Variants in GRAMD2A observed in about 807,000 individuals in gnomAD.
GRAMD2A encodes GRAM domain containing 2A, also known as GRAM domain-containing protein 2A.
A neutral mutation model predicts 51.1 loss-of-function variants in GRAMD2A; 37 were observed. That is an observed-to-expected ratio of 0.72 (90% confidence interval 0.56 to 0.95). The LOEUF (loss-of-function observed/expected upper bound fraction) is 0.95. Among genes scored for constraint, GRAMD2A ranks in the 40% least tolerant of loss-of-function variants. GRAMD2A has a pLI of 0.00. For missense variants in GRAMD2A, 414 were observed against 426.9 expected (o/e 0.97, Z 0.27); for synonymous variants, 136 against 157.1 (o/e 0.87, Z 1.01).
intron 1 of GRAMD2A, among the ~76,000 whole-genome samples, chr15:72,187,012 T>C (rs1015722846): frequency 6.9e-6 from 1 of 144,804 alleles, no homozygotes; most frequent in Non-Finnish European, 1.5e-5. Flanking sequence ...AAAAAAAAAA[T>C]TAGCTGGGTG....
intron 1 of GRAMD2A, among the ~76,000 whole-genome samples, chr15:72,196,137 G>A (rs144438487): frequency 7.9e-5 from 12 of 152,232 alleles, no homozygotes; most frequent in Non-Finnish European, 1.6e-4. Context: ...GCCCACTGAG[G>A]CTACCTCAAT....
intron 1 of GRAMD2A, among the ~76,000 whole-genome samples, chr15:72,193,897 G>T (rs559037430): frequency 2.1e-3 from 320 of 152,322 alleles, no homozygotes; most frequent in Non-Finnish European, 4.2e-3. Flanking sequence ...TCCTACAGTG[G>T]CTTATATCCC....
rs571394664 is a variant in GRAMD2A, at chr15:72,193,336, C to T, written c.41+4395G>A. Among the ~76,000 whole-genome samples the T allele has an allele frequency of 8.6e-5, 13 of 150,996 alleles. No individual in the cohort carries two copies. The South Asian group carries it at 2.7e-3, about 32-fold the overall frequency. ...GGTTCAAGCGATTTTCCTGCCTCAGCCTCCCTAGTAGCTGAAATTACAGGT... is the reference window on the plus strand; with the variant it reads ...GGTTCAAGCGATTTTCCTGCCTCAGTCTCCCTAGTAGCTGAAATTACAGGT... On this transcript the variant is annotated intron_variant, in intron 1 of 11. Coordinates refer to ENST00000309731, the MANE Select transcript of GRAMD2A (RefSeq NM_001012642.3).
chr15:72,197,708 GC>G (rs1299653889), intron 1 of GRAMD2A, 22 bp downstream of exon 1: 23 of 1,308,704 alleles, frequency 1.8e-5, no homozygotes, highest in South Asian at 1.4e-4. Context: ...CCCGAGACCG[GC>G]CCCCGGGCCG....
In GRAMD2A at chr15:72,162,701, C is replaced by T. The variant is rs543528160; in HGVS notation, c.957-324G>A. Reference sequence around the variant, plus strand: ...GCCATGGTGGTCCTTCCTGTGCCTCCTCTGGGAGGTCATGATGATGACCCC... The same window carrying T: ...GCCATGGTGGTCCTTCCTGTGCCTCTTCTGGGAGGTCATGATGATGACCCC... On this transcript the variant is annotated intron_variant, in intron 10 of 11. Transcript: ENST00000309731. 38 of 260,504 alleles carry T rather than the reference C, an allele frequency of 1.5e-4. No individual in the cohort carries two copies. The South Asian group carries it at 2.0e-3, about 14-fold the overall frequency. The allele number at this position is 260,504 out of a possible 1,614,324, so 16.1% of individuals were successfully genotyped here.
In GRAMD2A at chr15:72,163,454, A is replaced by G. The variant is rs2140543006; in HGVS notation, c.768T>C (p.Ala256=). ...PMSEKSRAQV[A]SENGGRWAWP... ...ATGCCCACCTCCCACCATTTTCTGAAGCTACTTGGGCTCTTGACTTTTCTT... is the reference window on the plus strand; with the variant it reads ...ATGCCCACCTCCCACCATTTTCTGAGGCTACTTGGGCTCTTGACTTTTCTT... Residue 256 remains alanine (A), a synonymous_variant, in exon 10 of 12, where the codon GCT becomes GCC. Coordinates refer to ENST00000309731, the MANE Select transcript of GRAMD2A (RefSeq NM_001012642.3). The G allele has an allele frequency of 6.2e-7, 1 of 1,614,086 alleles. No individual in the cohort carries two copies. The highest frequency in any genetic ancestry group is 8.5e-7 in the Non-Finnish European group (1 of 1,179,970).
chr15:72,169,139 A>C, intron 2 of GRAMD2A, 143 bp from the exon 3 acceptor site: 1 of 712,638 alleles, frequency 1.4e-6, no homozygotes, highest in Non-Finnish European at 2.5e-6. Flanking sequence ...ACACAGCAAA[A>C]TGACAAGTAC....
rs149228663 is a variant in GRAMD2A at position 72,193,164 on chromosome 15, T to C, written c.41+4567A>G. 7.5e-4 allele frequency among the ~76,000 whole-genome samples: 113 copies of C among 151,164 alleles called. 1 individual carries two copies. The highest frequency in any genetic ancestry group is 3.5e-3 in the Middle Eastern group (1 of 288). ...ATAAATAGATAAATAAATAAATAAA[T>C]AAAGATTGGTTCAGTCGCCACAGGT... On this transcript the variant is annotated intron_variant, in intron 1 of 11. Transcript: ENST00000309731.
chr15:72,174,205 A>G (rs1446083767), intron 1 of GRAMD2A, among the ~76,000 whole-genome samples: 1 of 152,142 alleles, frequency 6.6e-6, no homozygotes, highest in Non-Finnish European at 1.5e-5. Context: ...GAGTAGTGCC[A>G]CCTGAAGAAG....
chr15:72,197,000 T>C (rs1382691370), intron 1 of GRAMD2A, among the ~76,000 whole-genome samples: 1 of 151,984 alleles, frequency 6.6e-6, no homozygotes. Context: ...ATTGACAGGT[T>C]CCCCCAAACA....
At chr15:72,165,541 C>T in intron 7 of GRAMD2A, 131 bp from the exon 8 acceptor site, 1 of 878,376 alleles carries the variant, frequency 1.1e-6, no homozygotes, top group South Asian at 1.5e-5. Flanking sequence ...AAGCCCAGCT[C>T]CCAGGGTCTA....
chr15:72,159,921 G>A lies in GRAMD2A; in HGVS notation c.*2088C>T, dbSNP rs1334681495. ...GGGAATTAGAGGAGCATCAGCCAAT[G>A]CAAGCAGGTCTATATAAAATACACA... is the stretch of plus-strand genomic sequence containing the variant. On this transcript the variant is annotated 3_prime_UTR_variant, in exon 12 of 12. Transcript: ENST00000309731. 6.6e-6 allele frequency: 1 copy of A among 152,208 alleles called. No individual in the cohort carries two copies. Among genetic ancestry groups the A allele is most frequent in the Non-Finnish European group, 1.5e-5 (1 of 68,040 alleles). 9.4% of individuals were successfully genotyped at this position (152,208 alleles called of 1,614,324 possible).
At chr15:72,193,928 T>C (rs2081787403) in intron 1 of GRAMD2A, among the ~76,000 whole-genome samples, 1 of 152,248 alleles carries the variant, frequency 6.6e-6, no homozygotes, top group South Asian at 2.1e-4. Context: ...GCCTGTCTTT[T>C]GGAATCTGTG....
At position 72,165,364 on chromosome 15, in the gene GRAMD2A, G is replaced by T; in HGVS notation, c.590C>A (p.Pro197His). The stretch of plus-strand genomic sequence containing the variant: ...AGCTTCAGCTCTCACCAGAGACTCA[G>T]GTTCCCCTGAAAATTCTCTTACACT... ...SLSVREFSGEPESLEVLIPEM... is the reference protein window; with the variant it reads ...SLSVREFSGEHESLEVLIPEM... Residue 197 changes from proline to histidine, a missense_variant, in exon 8 of 12, where the codon CCT becomes CAT. Transcript: ENST00000309731. The T allele has an allele frequency of 1.2e-6, 2 of 1,613,994 alleles. No individual in the cohort carries two copies. The highest frequency in any genetic ancestry group is 1.7e-6 in the Non-Finnish European group (2 of 1,179,940).
intron 1 of GRAMD2A, among the ~76,000 whole-genome samples, chr15:72,189,556 G>A (rs1478404887): frequency 6.6e-6 from 1 of 152,206 alleles, no homozygotes; most frequent in Non-Finnish European, 1.5e-5. Context: ...AACAAAAAGT[G>A]TATTTTAAAA....
rs1245867168 is a variant in GRAMD2A at position 72,161,557 on chromosome 15, G to T, written c.*452C>A. ...GGGAGGGAGCAGAGCCCACATGGGT[G>T]GTTTGTGTTCTGACCTCTGACCCCA... On this transcript the variant is annotated 3_prime_UTR_variant, in exon 12 of 12. Coordinates refer to ENST00000309731, the MANE Select transcript of GRAMD2A (RefSeq NM_001012642.3). The T allele has an allele frequency of 1.1e-5, 2 of 179,572 alleles. No individual in the cohort carries two copies. Among genetic ancestry groups the T allele is most frequent in the African/African-American group, 4.8e-5 (2 of 41,968 alleles). 11.1% of individuals were successfully genotyped at this position (179,572 alleles called of 1,614,324 possible).
intron 10 of GRAMD2A, chr15:72,162,634 G>C: frequency 2.7e-6 from 1 of 371,386 alleles, no homozygotes; most frequent in South Asian, 3.1e-5. Flanking sequence ...GGGGAGCTCT[G>C]GCCAGACAGC....
At chr15:72,188,904 G>A (rs531908128) in intron 1 of GRAMD2A, among the ~76,000 whole-genome samples, 5 of 152,254 alleles carry the variant, frequency 3.3e-5, no homozygotes, top group East Asian at 1.9e-4. Context: ...GGCTGGTCTC[G>A]AACTGTTGAC....
At chr15:72,180,922 A>G (rs1026756013) in intron 1 of GRAMD2A, among the ~76,000 whole-genome samples, 2 of 152,280 alleles carry the variant, frequency 1.3e-5, no homozygotes, top group African/African-American at 4.8e-5. Context: ...GGTCAGATGA[A>G]CCCTCATCCC....
Sources: gnomAD v4.1 joint callset for allele counts (sites outside exome capture counted in the v4.1 genomes callset) on GRCh38, gnomAD v4.1.1 for gene constraint, MANE v1.5 for transcripts, NCBI Gene and HGNC (gene_info 2026-07-23, HGNC 2026-07-21) for gene names.